LDLRAD3: variants seen among roughly 807,000 people sequenced by gnomAD.
LDLRAD3 encodes low-density lipoprotein receptor class A domain-containing protein 3.
LDLRAD3 carries 20 observed loss-of-function variants against 29.4 expected under a neutral mutation model. That is an observed-to-expected ratio of 0.68 (90% CI 0.48 to 0.99). The LOEUF is 0.99. LDLRAD3 is among the 50% of genes least tolerant of loss of function. LDLRAD3 has a pLI of 0.00. For synonymous variants in LDLRAD3, 157 were observed against 192.7 expected (o/e 0.81, Z 1.53); for missense variants, 420 against 454.3 (o/e 0.92, Z 0.69).
At chr11:35,964,427 G>C (rs1851313926) in intron 1 of LDLRAD3, among the ~76,000 whole-genome samples, 1 of 152,294 alleles carries the variant, frequency 6.6e-6, no homozygotes, top group Non-Finnish European at 1.5e-5. Flanking sequence ...TGCTTTGGTA[G>C]ATGGGGTAGT....
Position 36,229,994 on chromosome 11 carries a change from G to A in LDLRAD3, c.*597G>A, listed in dbSNP as rs1335467731. On this transcript the variant is annotated 3_prime_UTR_variant, in exon 6 of 6. Transcript: ENST00000315571. ...CCTTCAGCAGTCGCAACGTTATTTT[G>A]GTTTTGTGAAGGACTCTGAAACCAT... 1 of 152,284 alleles carries A rather than the reference G, an allele frequency of 6.6e-6. No individual in the cohort carries two copies. The highest frequency in any genetic ancestry group is 1.5e-5 in the Non-Finnish European group (1 of 68,154). 9.4% of individuals were successfully genotyped at this position (152,284 alleles called of 1,614,324 possible). A position where few individuals can be genotyped will look rare whatever the true frequency, so the allele number is the denominator to read the frequency against.
At chr11:35,973,494 G>C (rs931695462) in intron 1 of LDLRAD3, among the ~76,000 whole-genome samples, 1 of 152,052 alleles carries the variant, frequency 6.6e-6, no homozygotes, top group Admixed American at 6.5e-5. Flanking sequence ...GTCTTACTCT[G>C]TCTCCCAGGC....
chr11:36,070,575 TA>T (rs1852883307), intron 2 of LDLRAD3, among the ~76,000 whole-genome samples: 1 of 152,094 alleles, frequency 6.6e-6, no homozygotes, highest in South Asian at 2.1e-4. Flanking sequence ...GGAGCGGCAA[TA>T]ACATCAGGAA....
At chr11:36,004,110 A>G (rs561595077) in intron 1 of LDLRAD3, among the ~76,000 whole-genome samples, 1 of 152,298 alleles carries the variant, frequency 6.6e-6, no homozygotes, top group South Asian at 2.1e-4. Flanking sequence ...TGTCCTTTTC[A>G]CATTGCAAAA....
chr11:36,190,010 C>T (rs1854917029), intron 4 of LDLRAD3, among the ~76,000 whole-genome samples: 1 of 144,890 alleles, frequency 6.9e-6, no homozygotes, highest in African/African-American at 2.6e-5. Flanking sequence ...GATCACCAGA[C>T]ATTTGACACT....
chr11:36,088,033 A>C (rs1277900837), intron 3 of LDLRAD3, among the ~76,000 whole-genome samples: 2 of 151,820 alleles, frequency 1.3e-5, no homozygotes, highest in South Asian at 4.2e-4. Context: ...TTAAAAAAAA[A>C]AGGTAGAGAT....
intron 4 of LDLRAD3, among the ~76,000 whole-genome samples, chr11:36,118,775 A>G (rs188992679): frequency 6.6e-5 from 10 of 152,246 alleles, no homozygotes; most frequent in Admixed American, 5.2e-4. Context: ...CCCACTGTCT[A>G]ATTTTGGAAC....
chr11:35,997,495 GT>G, intron 1 of LDLRAD3: 1 of 388,302 alleles, frequency 2.6e-6, no homozygotes, highest in Admixed American at 2.8e-5. Flanking sequence ...TGAATGGTCA[GT>G]TTCACTATAA....
At chr11:35,955,690 A>C (rs1043545211) in intron 1 of LDLRAD3, among the ~76,000 whole-genome samples, 3 of 152,254 alleles carry the variant, frequency 2.0e-5, no homozygotes, top group African/African-American at 7.2e-5. Context: ...ATAAAAAGAC[A>C]TGAAGAATTA....
chr11:36,014,563 T>C (rs1319196655), intron 1 of LDLRAD3, among the ~76,000 whole-genome samples: 1 of 152,190 alleles, frequency 6.6e-6, no homozygotes, highest in East Asian at 1.9e-4. Flanking sequence ...CTTTCCCGCC[T>C]GCCATGGGGA....
At chr11:36,127,278 CAG>C (rs1853852024) in intron 4 of LDLRAD3, among the ~76,000 whole-genome samples, 1 of 152,014 alleles carries the variant, frequency 6.6e-6, no homozygotes, top group Non-Finnish European at 1.5e-5. Flanking sequence ...TGGGGTTAAA[CAG>C]AGGTTTGAAG....
rs567363761 is a variant in LDLRAD3 at position 36,179,561 on chromosome 11, A to T, written c.455-47524A>T. Reference sequence around the variant, plus strand: ...ATTGCTACTAAAACACCTTGTGAGAACCACTGGGGCAGTGGACCAAATAAA... The same window carrying T: ...ATTGCTACTAAAACACCTTGTGAGATCCACTGGGGCAGTGGACCAAATAAA... On this transcript the variant is annotated intron_variant, in intron 4 of 5. Coordinates refer to ENST00000315571, the MANE Select transcript of LDLRAD3 (RefSeq NM_174902.4). 5.9e-5 allele frequency among the ~76,000 whole-genome samples: 9 copies of T among 152,288 alleles called. No individual in the cohort carries two copies. The East Asian group carries it at 1.5e-3, about 26-fold the overall frequency.
intron 1 of LDLRAD3, among the ~76,000 whole-genome samples, chr11:36,001,406 CA>C (rs2133178028): frequency 6.6e-6 from 1 of 152,246 alleles, no homozygotes; most frequent in Non-Finnish European, 1.5e-5. Context: ...TTCCAAAGTA[CA>C]AACTAGGATG....
chr11:36,115,067 T>C (rs1486344733), intron 4 of LDLRAD3, among the ~76,000 whole-genome samples: 1 of 152,166 alleles, frequency 6.6e-6, no homozygotes, highest in Non-Finnish European at 1.5e-5. Context: ...TCAGCCACCA[T>C]GTGAATGTGG....
chr11:36,142,669 G>A (rs1021754166), intron 4 of LDLRAD3, among the ~76,000 whole-genome samples: 8 of 152,090 alleles, frequency 5.3e-5, no homozygotes, highest in African/African-American at 1.4e-4. Flanking sequence ...CGGTGCAGCC[G>A]GTGAAGTGAG....
At chr11:36,030,435 AGTGT>A (rs3080139) in intron 1 of LDLRAD3, among the ~76,000 whole-genome samples, 17,506 of 147,638 alleles carry the variant, frequency 0.12, 1,901 homozygotes, top group African/African-American at 0.3. Context: ...CTGTGCATGG[AGTGT>A]GTGTGTGTGT....
intron 1 of LDLRAD3, among the ~76,000 whole-genome samples, chr11:35,984,577 A>T (rs912733041): frequency 3.3e-5 from 5 of 152,194 alleles, no homozygotes; most frequent in Admixed American, 2.6e-4. Flanking sequence ...CTTCACCAAG[A>T]TTCTCACCAA....
At chr11:36,036,976 C>T (rs1030555510) in intron 2 of LDLRAD3, among the ~76,000 whole-genome samples, 2 of 152,116 alleles carry the variant, frequency 1.3e-5, no homozygotes, top group African/African-American at 4.8e-5. Flanking sequence ...GAGAGGGGTC[C>T]GTGGTGTCAA....
intron 3 of LDLRAD3, among the ~76,000 whole-genome samples, chr11:36,096,405 C>T (rs573803345): frequency 2.0e-5 from 3 of 152,224 alleles, no homozygotes; most frequent in Admixed American, 2.0e-4. Flanking sequence ...ATCTTCTGTG[C>T]TGGGCCTGGC....
Sources: gnomAD v4.1 joint callset for allele counts (sites outside exome capture counted in the v4.1 genomes callset) on GRCh38, gnomAD v4.1.1 for gene constraint, MANE v1.5 for transcripts, NCBI Gene and HGNC (gene_info 2026-07-23, HGNC 2026-07-21) for gene names.